The following FRMD4A variants were observed in gnomAD, a reference collection of about 807,000 sequenced individuals.
FRMD4A encodes FERM domain containing 4A, also known as FERM domain-containing protein 4A.
A neutral mutation model predicts 129.1 loss-of-function variants in FRMD4A; 29 were observed. The ratio of observed to expected loss-of-function variants is 0.22; its 90% CI spans 0.17 to 0.31. FRMD4A has a LOEUF of 0.31. Ranked by LOEUF, FRMD4A falls within the 10% of genes least tolerant of loss-of-function variation. The pLI, the probability that FRMD4A is intolerant of heterozygous loss-of-function variation, is 1.00. For missense variants in FRMD4A, 1,272 were observed against 1,375.8 expected, an observed-to-expected ratio of 0.92 and a Z score of 1.19; for synonymous variants, 634 against 571.6, an observed-to-expected ratio of 1.11 and a Z score of -1.56.
At chr10:14,295,854 G>T (rs74122203) in intron 2 of FRMD4A, among the ~76,000 whole-genome samples, 6,095 of 152,108 alleles carry the variant, frequency 0.04, 411 homozygotes, top group African/African-American at 0.14. Context: ...AAATAGAACT[G>T]CTAGGTTATC....
At chr10:13,802,457 G>GT (rs1018774236) in intron 4 of FRMD4A, among the ~76,000 whole-genome samples, 1 of 152,010 alleles carries the variant, frequency 6.6e-6, no homozygotes, top group Non-Finnish European at 1.5e-5. Context: ...GTTCTTATAT[G>GT]TTTATCTATT....
At chr10:13,712,142 A>G (rs1026474642) in intron 12 of FRMD4A, 2 of 152,226 alleles carry the variant, frequency 1.3e-5, no homozygotes, top group South Asian at 2.1e-4. Context: ...CTAGTTTTCT[A>G]TACAGCAATG....
At chr10:13,760,274 T>A (rs976845006) in intron 8 of FRMD4A, among the ~76,000 whole-genome samples, 2 of 152,026 alleles carry the variant, frequency 1.3e-5, no homozygotes, top group African/African-American at 4.8e-5. Context: ...ATCCTTGTTT[T>A]AGACTGTAAA....
chr10:13,657,554 G>A lies in FRMD4A; in HGVS notation c.2067-32C>T, dbSNP rs745729341. The A allele has an allele frequency of 3.7e-5, 56 of 1,529,952 alleles. No homozygotes were observed. The South Asian group carries it at 6.2e-4, about 17-fold the overall frequency. The allele number at this position is 1,529,952 out of a possible 1,614,324, so 94.8% of individuals were successfully genotyped here. A position where few individuals can be genotyped will look rare whatever the true frequency, so the allele number is the denominator to read the frequency against. ...GGAGACGACCCGGGTTGGTCTGGGG[G>A]TGGGGAGTGGGCCCAAGGAGGGGTG... On this transcript the variant is annotated intron_variant, in intron 21 of 24. Coordinates refer to ENST00000357447, the MANE Select transcript of FRMD4A (RefSeq NM_018027.5).
chr10:13,901,921 G>T (rs1041342424), intron 2 of FRMD4A, among the ~76,000 whole-genome samples: 1 of 152,254 alleles, frequency 6.6e-6, no homozygotes, highest in East Asian at 1.9e-4. Flanking sequence ...AATTATAATA[G>T]CAAATAATCT....
chr10:13,820,598 C>A lies in FRMD4A; in HGVS notation c.112-9690G>T, dbSNP rs574433192. Among the ~76,000 whole-genome samples the A allele has an allele frequency of 2.0e-5, 3 of 152,240 alleles. No individual in the cohort carries two copies. In the East Asian group the frequency reaches 5.8e-4, roughly 29 times the overall value. ...CAAGCAGTAACCATCAGGTGACTCC[C>A]ATCTGTGCTTTGGGAGGAACCACGG... On this transcript the variant is annotated intron_variant, in intron 3 of 24. Transcript: ENST00000357447.
chr10:14,204,419 C>T (rs1335758303), intron 2 of FRMD4A, among the ~76,000 whole-genome samples: 1 of 149,660 alleles, frequency 6.7e-6, no homozygotes, highest in African/African-American at 2.5e-5. Context: ...CAGTGAGACG[C>T]AGTCAAAAAA....
chr10:13,693,947 A>G lies in FRMD4A; in HGVS notation c.1068T>C (p.Gly356=), dbSNP rs2296596. ...TGCCGCTGATGATCTTCCCCTTGCT[A>G]CCCATGTTGGCCAGCTTCGAGGTCT... ...TLKTSKLANM[G]SKGKIISGSS... is the part of the protein sequence containing the mutation. Residue 356 remains glycine (G), a synonymous_variant, in exon 15 of 25, where the codon GGT becomes GGC. Transcript: ENST00000357447. The G allele has an allele frequency of 0.11, 174,004 of 1,596,308 alleles. 9,824 individuals carry two copies. The highest frequency in any genetic ancestry group is 0.18 in the African/African-American group (13,434 of 73,232).
chr10:13,954,201 A>G (rs779206627), intron 2 of FRMD4A, among the ~76,000 whole-genome samples: 6 of 152,146 alleles, frequency 3.9e-5, no homozygotes, highest in Non-Finnish European at 8.8e-5. Flanking sequence ...TCAGTTTCCT[A>G]TTGCACTCGG....
At chr10:13,706,685 TG>T (rs1246664501) in intron 13 of FRMD4A, among the ~76,000 whole-genome samples, 1 of 151,910 alleles carries the variant, frequency 6.6e-6, no homozygotes. Context: ...CTTACTGGTG[TG>T]TGTTACAAAG....
At chr10:14,217,354 G>C (rs1051207379) in intron 2 of FRMD4A, among the ~76,000 whole-genome samples, 1 of 152,100 alleles carries the variant, frequency 6.6e-6, no homozygotes, top group Non-Finnish European at 1.5e-5. Context: ...CTGAATCATG[G>C]GGGCGGTTTC....
chr10:14,047,999 C>T (rs1034437948), intron 2 of FRMD4A, among the ~76,000 whole-genome samples: 1 of 152,202 alleles, frequency 6.6e-6, no homozygotes. Flanking sequence ...GCGCACAGCC[C>T]AGCACATAGT....
At chr10:13,726,605 C>T (rs915802163) in intron 12 of FRMD4A, among the ~76,000 whole-genome samples, 3 of 152,138 alleles carry the variant, frequency 2.0e-5, no homozygotes, top group African/African-American at 7.2e-5. Flanking sequence ...TTTCTGAGCT[C>T]GTAAGTCTCA....
intron 2 of FRMD4A, among the ~76,000 whole-genome samples, chr10:14,328,324 T>C (rs552555505): frequency 2.3e-5 from 3 of 131,508 alleles, no homozygotes; most frequent in African/African-American, 9.2e-5. Context: ...GCAGCCATAA[T>C]ATGTGGAAGA....
intron 2 of FRMD4A, among the ~76,000 whole-genome samples, chr10:13,930,695 A>T (rs2095184425): frequency 6.6e-6 from 1 of 152,224 alleles, no homozygotes; most frequent in African/African-American, 2.4e-5. Context: ...TGAGGGAAAG[A>T]ATGCTTAAAT....
intron 2 of FRMD4A, among the ~76,000 whole-genome samples, chr10:13,964,675 T>G (rs1428480864): frequency 2.6e-4 from 2 of 7,794 alleles, no homozygotes; most frequent in African/African-American, 7.3e-4. Flanking sequence ...TCTTCTTTTG[T>G]TTTTTTTTTT....
At chr10:14,158,035 C>G (rs1043636329) in intron 2 of FRMD4A, among the ~76,000 whole-genome samples, 3 of 152,150 alleles carry the variant, frequency 2.0e-5, no homozygotes, top group Admixed American at 1.3e-4. Flanking sequence ...ACCAGCAATA[C>G]TAGAGTAAAA....
intron 2 of FRMD4A, among the ~76,000 whole-genome samples, chr10:14,033,675 C>T (rs765543030): frequency 7.5e-4 from 114 of 151,930 alleles, no homozygotes; most frequent in Non-Finnish European, 1.3e-3. Context: ...ATCCCAGTTA[C>T]GTGGGAGGCT....
At chr10:13,738,677 T>G (rs989595362) in intron 11 of FRMD4A, among the ~76,000 whole-genome samples, 2 of 152,026 alleles carry the variant, frequency 1.3e-5, no homozygotes, top group African/African-American at 4.8e-5. Context: ...CTGGAGTGCA[T>G]TGGCACAATC....
Sources: allele counts gnomAD v4.1 joint callset (sites outside exome capture counted in the v4.1 genomes callset), GRCh38; gene constraint gnomAD v4.1.1; transcripts MANE v1.5; gene names NCBI Gene and HGNC (gene_info 2026-07-23, HGNC 2026-07-21).